ADGRL3: variants seen among roughly 807,000 people sequenced by gnomAD.
ADGRL3 encodes the protein adhesion G protein-coupled receptor L3.
ADGRL3 carries 62 observed loss-of-function variants against 153.5 expected under a neutral mutation model. The observed-to-expected ratio is 0.40, with a 90% CI of 0.33 to 0.50. ADGRL3 has a LOEUF of 0.50. Among genes scored for constraint, ADGRL3 ranks in the 20% least tolerant of loss-of-function variants. The probability of loss-of-function intolerance (pLI) is 0.47; values close to 1 mark genes in which losing one functional copy is unlikely to be tolerated. For missense variants in ADGRL3, 1,641 were observed against 1,859.4 expected, an observed-to-expected ratio of 0.88 and a Z score of 2.16; for synonymous variants, 710 against 672.5, an observed-to-expected ratio of 1.06 and a Z score of -0.86.
At chr4:61,254,732 T>G (rs1331737597) in intron 1 of ADGRL3, among the ~76,000 whole-genome samples, 3 of 152,132 alleles carry the variant, frequency 2.0e-5, no homozygotes, top group Non-Finnish European at 4.4e-5. Flanking sequence ...GAACAAATTT[T>G]TATCTCCTAA....
intron 25 of ADGRL3, among the ~76,000 whole-genome samples, chr4:62,063,105 T>C (rs1741068220): frequency 2.0e-5 from 3 of 152,070 alleles, no homozygotes; most frequent in Admixed American, 2.0e-4. Flanking sequence ...TTTGTTTAAT[T>C]TTTGCTTTTT....
intron 1 of ADGRL3, among the ~76,000 whole-genome samples, chr4:61,376,872 A>G (rs2096609563): frequency 6.6e-6 from 1 of 152,166 alleles, no homozygotes; most frequent in South Asian, 2.1e-4. Context: ...AACTTGAAGA[A>G]GGAATTGATT....
At chr4:61,477,326 T>G (rs2098076535) in intron 2 of ADGRL3, among the ~76,000 whole-genome samples, 2 of 151,702 alleles carry the variant, frequency 1.3e-5, no homozygotes, top group Non-Finnish European at 2.9e-5. Context: ...TATGGTAGCA[T>G]TTAGTTTTTA....
intron 1 of ADGRL3, among the ~76,000 whole-genome samples, chr4:61,204,398 G>A (rs1316475141): frequency 6.6e-6 from 1 of 152,148 alleles, no homozygotes; most frequent in East Asian, 1.9e-4. Context: ...ATATTTCTGA[G>A]GATTAAAGAA....
intron 8 of ADGRL3, among the ~76,000 whole-genome samples, chr4:61,734,638 G>A (rs2096485690): frequency 6.6e-6 from 1 of 152,126 alleles, no homozygotes; most frequent in Non-Finnish European, 1.5e-5. Flanking sequence ...CACATGTGGG[G>A]ATATGGTGAT....
intron 5 of ADGRL3, among the ~76,000 whole-genome samples, chr4:61,621,515 A>G (rs1244734873): frequency 1.3e-5 from 2 of 152,148 alleles, no homozygotes; most frequent in African/African-American, 4.8e-5. Context: ...ATTAATTTTG[A>G]ATATTTTTAA....
chr4:61,223,360 A>G (rs1169864558), intron 1 of ADGRL3, among the ~76,000 whole-genome samples: 1 of 152,224 alleles, frequency 6.6e-6, no homozygotes. Flanking sequence ...GGCTCTCTGC[A>G]GTTACGGATA....
intron 2 of ADGRL3, among the ~76,000 whole-genome samples, chr4:61,468,223 G>T (rs2097907259): frequency 6.6e-6 from 1 of 152,146 alleles, no homozygotes; most frequent in Non-Finnish European, 1.5e-5. Flanking sequence ...CCGTATAGCT[G>T]CCACAGTCTC....
At chr4:61,260,576 A>T (rs1030336961) in intron 1 of ADGRL3, among the ~76,000 whole-genome samples, 4 of 152,180 alleles carry the variant, frequency 2.6e-5, no homozygotes, top group African/African-American at 9.7e-5. Context: ...TGGTTCTAAG[A>T]GTTAAGTAAG....
chr4:61,851,589 C>CAAA (rs759990537), intron 9 of ADGRL3, among the ~76,000 whole-genome samples: 6 of 55,198 alleles, frequency 1.1e-4, no homozygotes, highest in African/African-American at 2.8e-4. Context: ...GACCATGTCT[C>CAAA]AAAAAAAAAA....
At chr4:61,456,372 T>A (rs2097738567) in intron 2 of ADGRL3, among the ~76,000 whole-genome samples, 1 of 135,840 alleles carries the variant, frequency 7.4e-6, no homozygotes, top group Non-Finnish European at 1.5e-5. Flanking sequence ...GATATAGATA[T>A]ATCTATATAT....
At chr4:61,456,935 T>A (rs942901572) in intron 2 of ADGRL3, among the ~76,000 whole-genome samples, 1 of 152,052 alleles carries the variant, frequency 6.6e-6, no homozygotes, top group African/African-American at 2.4e-5. Flanking sequence ...CCAATAAATA[T>A]CTTTTTATAC....
At chr4:61,728,636 A>C (rs752524217) in intron 6 of ADGRL3, among the ~76,000 whole-genome samples, 107 of 152,206 alleles carry the variant, frequency 7.0e-4, no homozygotes, top group Middle Eastern at 6.8e-3. Flanking sequence ...TTTGTATTTT[A>C]GAATGTAAGT....
intron 13 of ADGRL3, among the ~76,000 whole-genome samples, chr4:61,920,134 A>G (rs929505997): frequency 2.0e-5 from 3 of 152,216 alleles, no homozygotes; most frequent in African/African-American, 7.2e-5. Context: ...CTTTCTGAAC[A>G]TAAGTTTACC....
At chr4:62,041,546 A>G (rs1004267956) in intron 24 of ADGRL3, among the ~76,000 whole-genome samples, 1 of 152,068 alleles carries the variant, frequency 6.6e-6, no homozygotes. Context: ...AACATTTTCA[A>G]TATGTTTTCC....
At chr4:61,986,706 A>G (rs2099086626) in intron 19 of ADGRL3, among the ~76,000 whole-genome samples, 1 of 152,232 alleles carries the variant, frequency 6.6e-6, no homozygotes, top group Admixed American at 6.5e-5. Context: ...AGGAAAAGAT[A>G]GGGAAAATTT....
intron 1 of ADGRL3, among the ~76,000 whole-genome samples, chr4:61,238,568 T>C (rs1377971048): frequency 6.6e-6 from 1 of 151,984 alleles, no homozygotes; most frequent in Non-Finnish European, 1.5e-5. Context: ...CAAAGTTATT[T>C]TGAGCATCAA....
intron 9 of ADGRL3, among the ~76,000 whole-genome samples, chr4:61,854,062 T>A (rs1390888236): frequency 6.6e-6 from 1 of 152,216 alleles, no homozygotes; most frequent in Non-Finnish European, 1.5e-5. Context: ...TGTATGTTTA[T>A]AAGCCAGAGC....
intron 17 of ADGRL3, among the ~76,000 whole-genome samples, chr4:61,976,752 C>T (rs2099049572): frequency 6.6e-6 from 1 of 152,174 alleles, no homozygotes; most frequent in Admixed American, 6.5e-5. Context: ...CCCCCTTCGC[C>T]TTCTGCCATG....
Sources: allele counts gnomAD v4.1 joint callset (sites outside exome capture counted in the v4.1 genomes callset), GRCh38; gene constraint gnomAD v4.1.1; transcripts MANE v1.5; gene names NCBI Gene and HGNC (gene_info 2026-07-23, HGNC 2026-07-21).